LHFPL1: variants seen among roughly 807,000 people sequenced by gnomAD.
The protein encoded by LHFPL1 is LHFPL tetraspan subfamily member 1, also known as LHFPL tetraspan subfamily member 1 protein.
In LHFPL1, 4 loss-of-function variants were observed where a neutral mutation model predicts 12.1. The ratio of observed to expected loss-of-function variants is 0.33; its 90% CI spans 0.16 to 0.76. LHFPL1 has a LOEUF of 0.76. Ranked by LOEUF, LHFPL1 falls within the 30% of genes least tolerant of loss-of-function variation. LHFPL1 has a pLI of 0.61. For missense variants in LHFPL1, 141 were observed against 174.1 expected (o/e 0.81, Z 1.07); for synonymous variants, 52 against 61.9 (o/e 0.84, Z 0.75).
chrX:112,645,109 T>A (rs1431213701), intron 3 of LHFPL1, among the ~76,000 whole-genome samples: 1 of 112,101 alleles, frequency 8.9e-6, no homozygotes, highest in Non-Finnish European at 1.9e-5. Context: ...GGGCATCCCC[T>A]CCAAAAAGGC....
intron 3 of LHFPL1, among the ~76,000 whole-genome samples, chrX:112,646,820 C>A (rs1019659711): frequency 1.8e-5 from 2 of 110,814 alleles, no homozygotes; most frequent in Admixed American, 9.6e-5. Flanking sequence ...TTTCTGAAAA[C>A]AATAGAGCTG....
At chrX:112,649,822 C>A (rs756570747) in intron 3 of LHFPL1, among the ~76,000 whole-genome samples, 3 of 110,840 alleles carry the variant, frequency 2.7e-5, no homozygotes, top group South Asian at 7.6e-4. Context: ...TTAAGGTGTT[C>A]TGTTTAATGT....
In LHFPL1 at chrX:112,643,903, T is replaced by C. The variant is rs145699416; in HGVS notation, c.482-12302A>G. Among the ~76,000 whole-genome samples the C allele has an allele frequency of 4.7e-4, 53 of 111,694 alleles. No individual in the cohort carries two copies. In the East Asian group the frequency reaches 0.014, roughly 29 times the overall value. ...CAAACTTAACCTCTGGGGCAAGTCA[T>C]CAAACCTTTTTGAGTTTCAGCTCCC... On this transcript the variant is annotated intron_variant, in intron 3 of 3. Transcript: ENST00000371968.
chrX:112,632,321 C>T (rs1930213165), intron 3 of LHFPL1, among the ~76,000 whole-genome samples: 1 of 111,802 alleles, frequency 8.9e-6, no homozygotes, highest in Admixed American at 9.5e-5. Context: ...GGAAAGGTCA[C>T]CTGCTCAAAA....
At chrX:112,670,823 A>G (rs1455521583) in intron 2 of LHFPL1, among the ~76,000 whole-genome samples, 186 bp downstream of exon 2, 2 of 112,504 alleles carry the variant, frequency 1.8e-5, no homozygotes, top group Non-Finnish European at 3.8e-5. Context: ...TGCTGTGAAT[A>G]AAACTCTGAT....
chrX:112,647,409 T>C (rs1450222790), intron 3 of LHFPL1, among the ~76,000 whole-genome samples: 67 of 110,969 alleles, frequency 6.0e-4, no homozygotes, highest in Non-Finnish European at 2.8e-4. Context: ...TGGGAGAAAA[T>C]TTTTGCAATC....
intron 2 of LHFPL1, among the ~76,000 whole-genome samples, chrX:112,665,608 G>A (rs914387196): frequency 1.4e-4 from 16 of 111,835 alleles, no homozygotes; most frequent in Non-Finnish European, 2.3e-4. Context: ...CCTACTACAC[G>A]TGGGAAGATG....
chrX:112,635,910 C>G (rs1478901004), intron 3 of LHFPL1, among the ~76,000 whole-genome samples: 1 of 111,550 alleles, frequency 9.0e-6, no homozygotes, highest in African/African-American at 3.3e-5. Context: ...CCAGGAGAGG[C>G]CATGAAATCT....
At position 112,657,441 on chromosome X, in the gene LHFPL1, A is replaced by G. The variant is rs1457708917; in HGVS notation, c.481+3186T>C. Among the ~76,000 whole-genome samples, 3 of 112,149 alleles carry G rather than the reference A, an allele frequency of 2.7e-5. No individual in the cohort carries two copies. The South Asian group carries it at 1.1e-3, about 42-fold the overall frequency. On this transcript the variant is annotated intron_variant, in intron 3 of 3. Transcript: ENST00000371968. ...TTTTGTGTAGAAATTGACAAGCTAA[A>G]TCTAAAATTCCGATGGAAATGCAAA...
chrX:112,672,485 A>AC (rs199899898), intron 1 of LHFPL1, among the ~76,000 whole-genome samples: 25,363 of 110,613 alleles, frequency 0.23, 4,636 homozygotes, highest in African/African-American at 0.62. Flanking sequence ...CCGGCTAGAG[A>AC]CCACACTGCA....
At chrX:112,636,546 G>A (rs1244342242) in intron 3 of LHFPL1, among the ~76,000 whole-genome samples, 2 of 111,792 alleles carry the variant, frequency 1.8e-5, no homozygotes, top group African/African-American at 6.5e-5. Context: ...CTTGACCTGG[G>A]AAGCAGACTG....
intron 2 of LHFPL1, among the ~76,000 whole-genome samples, chrX:112,666,906 A>G (rs1431955124): frequency 8.9e-6 from 1 of 111,770 alleles, no homozygotes; most frequent in African/African-American, 3.3e-5. Context: ...GCATCAGTGT[A>G]TGAAGCACAG....
chrX:112,636,164 C>G (rs1340103596), intron 3 of LHFPL1, among the ~76,000 whole-genome samples: 1 of 111,224 alleles, frequency 9.0e-6, no homozygotes, highest in Non-Finnish European at 1.9e-5. Flanking sequence ...TGTCACCAGA[C>G]ATTGCCAGAT....
At chrX:112,642,384 T>C (rs1352595268) in intron 3 of LHFPL1, among the ~76,000 whole-genome samples, 1 of 102,417 alleles carries the variant, frequency 9.8e-6, no homozygotes, top group Non-Finnish European at 2.0e-5. Context: ...AATTTATATT[T>C]TTTGTTGAGA....
intron 3 of LHFPL1, among the ~76,000 whole-genome samples, chrX:112,640,386 G>A (rs1930467369): frequency 9.0e-6 from 1 of 111,473 alleles, no homozygotes; most frequent in African/African-American, 3.3e-5. Flanking sequence ...CACATGCAAA[G>A]TTGCAAAGGG....
chrX:112,662,306 T>C (rs1018176646), intron 2 of LHFPL1, among the ~76,000 whole-genome samples: 1 of 112,166 alleles, frequency 8.9e-6, no homozygotes, highest in African/African-American at 3.2e-5. Flanking sequence ...TCCAGAGCTC[T>C]GGGGCTCAAC....
chrX:112,673,903 G>A (rs1299041537), intron 1 of LHFPL1, among the ~76,000 whole-genome samples: 1 of 111,853 alleles, frequency 8.9e-6, no homozygotes, highest in Admixed American at 9.5e-5. Flanking sequence ...ATCAGGGCAA[G>A]TATATAATTT....
At chrX:112,635,248 G>A (rs1019437891) in intron 3 of LHFPL1, among the ~76,000 whole-genome samples, 2 of 112,279 alleles carry the variant, frequency 1.8e-5, no homozygotes, top group Non-Finnish European at 3.8e-5. Context: ...ATTGAGTACC[G>A]ACTATATGCT....
At chrX:112,674,350 C>A (rs761473431) in intron 1 of LHFPL1, among the ~76,000 whole-genome samples, 1 of 111,605 alleles carries the variant, frequency 9.0e-6, no homozygotes, top group South Asian at 3.8e-4. Flanking sequence ...TAGAAGATAA[C>A]ATTGAAAAAA....
Sources: gnomAD v4.1 joint callset for allele counts (sites outside exome capture counted in the v4.1 genomes callset) on GRCh38, gnomAD v4.1.1 for gene constraint, MANE v1.5 for transcripts, NCBI Gene and HGNC (gene_info 2026-07-23, HGNC 2026-07-21) for gene names.